Variants in NUS1 observed in about 807,000 individuals in gnomAD.
NUS1 encodes dehydrodolichyl diphosphate synthase complex subunit NUS1.
For missense variants in NUS1, 292 were observed against 382.9 expected (o/e 0.76, Z 1.98); for synonymous variants, 135 against 155.2 (o/e 0.87, Z 0.97).
chr6:117,684,749 T>C (rs58233819), intron 1 of NUS1, among the ~76,000 whole-genome samples: 9,176 of 152,094 alleles, frequency 0.06, 349 homozygotes, highest in African/African-American at 0.086. Flanking sequence ...TGCAATAGAG[T>C]GATTCCTATA....
At chr6:117,696,611 A>G (rs1773324290) in intron 3 of NUS1, among the ~76,000 whole-genome samples, 1 of 152,178 alleles carries the variant, frequency 6.6e-6, no homozygotes, top group Non-Finnish European at 1.5e-5. Context: ...AGAGAGTGGC[A>G]TAACATATTT....
intron 3 of NUS1, among the ~76,000 whole-genome samples, chr6:117,702,112 A>T (rs1773419980): frequency 6.6e-6 from 1 of 152,042 alleles, no homozygotes; most frequent in East Asian, 1.9e-4. Context: ...GATATGTGAG[A>T]GTTTATCTGA....
At chr6:117,693,194 G>A (rs1417286905) in intron 2 of NUS1, 27 bp downstream of exon 2, 1 of 1,598,628 alleles carries the variant, frequency 6.3e-7, no homozygotes, top group Non-Finnish European at 8.5e-7. Flanking sequence ...AATTGAACAT[G>A]TAACATATGA....
chr6:117,690,963 G>A (rs562663218), intron 1 of NUS1, among the ~76,000 whole-genome samples: 3 of 130,738 alleles, frequency 2.3e-5, no homozygotes, highest in African/African-American at 8.6e-5. Context: ...CTGAGTGACA[G>A]AGTGAGAGTC....
At chr6:117,693,939 AT>A in intron 2 of NUS1, 91 bp from the exon 3 acceptor site, 2 of 1,376,912 alleles carry the variant, frequency 1.5e-6, no homozygotes, top group Non-Finnish European at 2.0e-6. Flanking sequence ...CTGTATGTTT[AT>A]TTTGGTTTAA....
At chr6:117,701,407 G>C (rs1177886069) in intron 3 of NUS1, among the ~76,000 whole-genome samples, 1 of 151,936 alleles carries the variant, frequency 6.6e-6, no homozygotes, top group Non-Finnish European at 1.5e-5. Context: ...ACCGCGCCTG[G>C]CTAATTTTTT....
intron 1 of NUS1, among the ~76,000 whole-genome samples, chr6:117,686,556 A>G (rs956694753): frequency 6.6e-6 from 1 of 152,186 alleles, no homozygotes; most frequent in African/African-American, 2.4e-5. Flanking sequence ...TTGAGGTGCA[A>G]TACTATATAA....
At chr6:117,706,106 T>C (rs1454691469) in intron 4 of NUS1, among the ~76,000 whole-genome samples, 1 of 152,222 alleles carries the variant, frequency 6.6e-6, no homozygotes, top group Admixed American at 6.5e-5. Context: ...ATTATAAAGC[T>C]ACATAAATTA....
intron 1 of NUS1, among the ~76,000 whole-genome samples, chr6:117,677,608 T>C (rs750328783): frequency 6.6e-6 from 1 of 152,238 alleles, no homozygotes; most frequent in African/African-American, 2.4e-5. Flanking sequence ...AGGGAAGGCA[T>C]AGGCCAGACA....
At chr6:117,684,712 A>G (rs1773111379) in intron 1 of NUS1, among the ~76,000 whole-genome samples, 1 of 152,244 alleles carries the variant, frequency 6.6e-6, no homozygotes, top group African/African-American at 2.4e-5. Flanking sequence ...CTCGAATGTG[A>G]TGAGAAACCT....
intron 4 of NUS1, among the ~76,000 whole-genome samples, chr6:117,704,245 T>G (rs1310675610): frequency 2.0e-5 from 3 of 152,110 alleles, no homozygotes; most frequent in African/African-American, 7.2e-5. Flanking sequence ...GAAGATTTGT[T>G]TAGCAGCTTA....
At chr6:117,680,091 A>G (rs1224903009) in intron 1 of NUS1, among the ~76,000 whole-genome samples, 2 of 152,212 alleles carry the variant, frequency 1.3e-5, no homozygotes, top group African/African-American at 2.4e-5. Flanking sequence ...ATTGACCTTA[A>G]TTTGACTGCC....
chr6:117,679,316 G>T (rs1773028554), intron 1 of NUS1, among the ~76,000 whole-genome samples: 1 of 152,148 alleles, frequency 6.6e-6, no homozygotes, highest in South Asian at 2.1e-4. Context: ...AGTGTTCTCT[G>T]TGTGTGTGAA....
At chr6:117,680,148 T>G (rs9767278) in intron 1 of NUS1, among the ~76,000 whole-genome samples, 9,216 of 152,278 alleles carry the variant, frequency 0.061, 350 homozygotes, top group African/African-American at 0.087. Flanking sequence ...ATTTCTTGAT[T>G]ATAATAGAGT....
At chr6:117,690,024 CTT>C (rs1382293768) in intron 1 of NUS1, among the ~76,000 whole-genome samples, 5 of 152,038 alleles carry the variant, frequency 3.3e-5, no homozygotes, top group Non-Finnish European at 5.9e-5. Context: ...GGAATATATG[CTT>C]TTTATATACA....
chr6:117,688,648 G>A (rs912415101), intron 1 of NUS1, among the ~76,000 whole-genome samples: 14 of 152,106 alleles, frequency 9.2e-5, no homozygotes, highest in African/African-American at 3.1e-4. Context: ...TAAGTGTTCC[G>A]AGAGCTAGCT....
chr6:117,686,080 T>C (rs575703772), intron 1 of NUS1, among the ~76,000 whole-genome samples: 4 of 151,378 alleles, frequency 2.6e-5, no homozygotes, highest in African/African-American at 9.7e-5. Context: ...GCTAACACGG[T>C]GAAACCCCGT....
At chr6:117,693,999 T>C (rs1773280079) in intron 2 of NUS1, 32 bp from the exon 3 acceptor site, 1 of 1,589,434 alleles carries the variant, frequency 6.3e-7, no homozygotes, top group Admixed American at 1.8e-5. Flanking sequence ...AAGAGAGTGT[T>C]TTTAAAATAC....
intron 1 of NUS1, among the ~76,000 whole-genome samples, chr6:117,678,484 G>A (rs936839238): frequency 2.0e-5 from 3 of 152,208 alleles, no homozygotes; most frequent in African/African-American, 7.2e-5. Context: ...AGTGCAATGA[G>A]GAAAAGTAAA....
Sources: allele counts gnomAD v4.1 joint callset (sites outside exome capture counted in the v4.1 genomes callset), GRCh38; gene constraint gnomAD v4.1.1; transcripts MANE v1.5; gene names NCBI Gene and HGNC (gene_info 2026-07-23, HGNC 2026-07-21).